Variants in LARGE1 observed in about 807,000 individuals in gnomAD.
LARGE1 encodes the protein xylosyl- and glucuronyltransferase LARGE1.
Under a neutral mutation model 87.6 loss-of-function variants are expected in LARGE1, and 43 were observed. The observed-to-expected ratio is 0.49, with a 90% CI of 0.38 to 0.63. The LOEUF is 0.63. Ranked by LOEUF, LARGE1 falls within the 30% of genes least tolerant of loss-of-function variation. The pLI, the probability that LARGE1 is intolerant of heterozygous loss-of-function variation, is 0.00. For missense variants in LARGE1, 802 were observed against 1,000.2 expected, an observed-to-expected ratio of 0.80 and a Z score of 2.67; for synonymous variants, 434 against 394.6, an observed-to-expected ratio of 1.10 and a Z score of -1.18.
chr22:33,716,559 G>C (rs1037355666), intron 2 of LARGE1, among the ~76,000 whole-genome samples: 1 of 152,108 alleles, frequency 6.6e-6, no homozygotes, highest in Non-Finnish European at 1.5e-5. Flanking sequence ...ACCACACCCA[G>C]CTAACTTACA....
In LARGE1 at chr22:33,316,198, G is replaced by T; in HGVS notation, c.1338C>A (p.Phe446Leu). Reference sequence around the variant, plus strand: ...GGTGGACAGTGAAGCGCTCTCGCCGGAACTCATAGCACAGGTCGTCCTCGT... The same window carrying T: ...GGTGGACAGTGAAGCGCTCTCGCCGTAACTCATAGCACAGGTCGTCCTCGT... ...ELDEDDLCYE[F>L]RRERFTVHRT... The change falls in exon 11 of 15, where the codon TTC (phenylalanine) becomes TTA (leucine). Residue 446 changes from phenylalanine (F) to leucine (L), a missense_variant. Transcript: ENST00000397394. 6.2e-7 allele frequency: 1 copy of T among 1,614,038 alleles called. No individual in the cohort carries two copies. Among genetic ancestry groups the T allele is most frequent in the South Asian group, 1.1e-5 (1 of 91,070 alleles).
chr22:33,183,616 A>ACACACACACACG (rs1234416934), intron 11 of LARGE1, among the ~76,000 whole-genome samples: 1 of 97,828 alleles, frequency 1.0e-5, no homozygotes, highest in African/African-American at 3.6e-5. Flanking sequence ...ACACACACAC[A>ACACACACACACG]CACGCACACA....
At chr22:33,525,063 T>C (rs572903245) in intron 6 of LARGE1, among the ~76,000 whole-genome samples, 32 of 152,282 alleles carry the variant, frequency 2.1e-4, no homozygotes, top group South Asian at 1.9e-3. Context: ...TTAGCATCTT[T>C]CCATCAGGCA....
chr22:33,098,870 C>G, the LARGE1 span, among the ~76,000 whole-genome samples: 1 of 152,230 alleles, frequency 6.6e-6, no homozygotes, highest in South Asian at 2.1e-4. Flanking sequence ...ACTGAATAAA[C>G]AAGCTTCACA....
the LARGE1 span, among the ~76,000 whole-genome samples, chr22:33,079,472 C>A: frequency 6.6e-6 from 1 of 151,970 alleles, no homozygotes; most frequent in South Asian, 2.1e-4. Flanking sequence ...CATGACCTGC[C>A]CGTCTTGGCC....
chr22:33,533,072 G>A lies in LARGE1; in HGVS notation c.787+31776C>T, dbSNP rs528335362. Among the ~76,000 whole-genome samples the A allele has an allele frequency of 1.8e-4, 28 of 152,274 alleles. 1 individual carries two copies. In the South Asian group the frequency reaches 5.4e-3, roughly 29 times the overall value. ...ATCAAGTATATGCATGTCTACTGCA[G>A]GGCCCATGTTAAAGAAGGGAGTAAA... On this transcript the variant is annotated intron_variant, in intron 6 of 14. Coordinates refer to ENST00000397394, the MANE Select transcript of LARGE1 (RefSeq NM_133642.5).
At chr22:33,269,639 G>T (rs1226841165), downstream of LARGE1, among the ~76,000 whole-genome samples, 10 of 152,108 alleles carry the variant, frequency 6.6e-5, no homozygotes, top group Admixed American at 6.5e-4. Context: ...AGATGGCCTT[G>T]GTACGACACC....
At chr22:33,651,361 CAG>C (rs2080807179) in intron 2 of LARGE1, among the ~76,000 whole-genome samples, 1 of 126,962 alleles carries the variant, frequency 7.9e-6, no homozygotes, top group East Asian at 2.3e-4. Context: ...CACTGCACTC[CAG>C]CCTGGGCCAG....
At chr22:33,888,727 C>T (rs933917725) in intron 1 of LARGE1, among the ~76,000 whole-genome samples, 1 of 151,704 alleles carries the variant, frequency 6.6e-6, no homozygotes, top group African/African-American at 2.4e-5. Context: ...CATGGTGGTG[C>T]GTGCCTGTAA....
chr22:33,211,689 C>T (rs1053367733), intron 11 of LARGE1, among the ~76,000 whole-genome samples: 5 of 152,162 alleles, frequency 3.3e-5, no homozygotes, highest in African/African-American at 1.2e-4. Flanking sequence ...ACGAGAATTG[C>T]TTGAACCCCA....
chr22:33,570,078 A>T (rs2148815579), intron 5 of LARGE1, among the ~76,000 whole-genome samples: 1 of 152,348 alleles, frequency 6.6e-6, no homozygotes, highest in Non-Finnish European at 1.5e-5. Flanking sequence ...AACTGGTTCT[A>T]CTTTTAATGA....
rs12628429 is a variant in LARGE1 at position 33,245,779 on chromosome 22, C to T, written c.1730+58450G>A. On this transcript the variant is annotated intron_variant, in intron 11 of 11. Transcript: ENST00000608642. Reference sequence around the variant, plus strand: ...CAAAAATTAGCCAGGCGTGGTGGTGCATGCCTGTAGTCCCAGCTATTTGGG... The same window carrying T: ...CAAAAATTAGCCAGGCGTGGTGGTGTATGCCTGTAGTCCCAGCTATTTGGG... Among the ~76,000 whole-genome samples the T allele has an allele frequency of 5.9e-5, 9 of 152,228 alleles. No individual in the cohort carries two copies. The East Asian group carries it at 1.7e-3, about 30-fold the overall frequency.
chr22:33,572,328 G>A (rs558648502), intron 5 of LARGE1: 8 of 461,496 alleles, frequency 1.7e-5, no homozygotes, highest in South Asian at 5.0e-5. Flanking sequence ...GAAGTGGGGC[G>A]GGGCTTGAGA....
chr22:33,819,795 T>G (rs4820114), intron 1 of LARGE1, among the ~76,000 whole-genome samples: 118,574 of 152,038 alleles, frequency 0.78, 46,624 homozygotes, highest in East Asian at 0.87. Context: ...ACTCAGTTTC[T>G]TCTCCTATAC....
the LARGE1 span, among the ~76,000 whole-genome samples, chr22:33,119,291 T>C: frequency 6.6e-6 from 1 of 152,232 alleles, no homozygotes; most frequent in Admixed American, 6.5e-5. Context: ...CTTGGGATGA[T>C]CTCTTTAAGT....
chr22:33,827,253 C>T (rs2062824478), intron 1 of LARGE1, among the ~76,000 whole-genome samples: 1 of 151,836 alleles, frequency 6.6e-6, no homozygotes, highest in Admixed American at 6.6e-5. Context: ...ACCTGTAATC[C>T]CAGCTACTCG....
chr22:33,180,535 T>C (rs1223302406), intron 11 of LARGE1, among the ~76,000 whole-genome samples: 3 of 152,202 alleles, frequency 2.0e-5, no homozygotes. Context: ...AAGTTAACCA[T>C]AGTGTAATCA....
the LARGE1 span, among the ~76,000 whole-genome samples, chr22:33,110,017 G>A: frequency 1.3e-5 from 2 of 152,280 alleles, no homozygotes; most frequent in East Asian, 3.9e-4. Flanking sequence ...TTACGGCAAT[G>A]CAAAGTGAAC....
At chr22:33,395,548 GAA>G (rs1307579699) in intron 7 of LARGE1, among the ~76,000 whole-genome samples, 1 of 152,202 alleles carries the variant, frequency 6.6e-6, no homozygotes, top group Non-Finnish European at 1.5e-5. Context: ...CTTGCATTAT[GAA>G]AACTGTTTAA....
Sources: gnomAD v4.1 joint callset for allele counts (sites outside exome capture counted in the v4.1 genomes callset) on GRCh38, gnomAD v4.1.1 for gene constraint, MANE v1.5 for transcripts, NCBI Gene and HGNC (gene_info 2026-07-23, HGNC 2026-07-21) for gene names.